The following SEMA6D variants were observed in gnomAD, a reference collection of about 807,000 sequenced individuals.
SEMA6D encodes the protein semaphorin 6D, also known as semaphorin-6D.
SEMA6D carries 35 observed loss-of-function variants against 106.6 expected under a neutral mutation model. The ratio of observed to expected loss-of-function variants is 0.33; its 90% CI spans 0.25 to 0.44. The LOEUF (loss-of-function observed/expected upper bound fraction) is 0.44, where lower values mean the gene tolerates loss of function less well. Among genes scored for constraint, SEMA6D ranks in the 20% least tolerant of loss-of-function variants. The probability of loss-of-function intolerance (pLI) is 1.00; values close to 1 mark genes in which losing one functional copy is unlikely to be tolerated. For synonymous variants in SEMA6D, 499 were observed against 487.7 expected, an observed-to-expected ratio of 1.02 and a Z score of -0.31; for missense variants, 1,185 against 1,345.9, an observed-to-expected ratio of 0.88 and a Z score of 1.87.
chr15:47,584,669 A>G (rs908973289), intron 3 of SEMA6D, among the ~76,000 whole-genome samples: 1 of 152,204 alleles, frequency 6.6e-6, no homozygotes, highest in African/African-American at 2.4e-5. Context: ...TTTTAGAAGT[A>G]GGCAGGGTAC....
chr15:47,210,046 C>A (rs1895374308), intron 1 of SEMA6D, among the ~76,000 whole-genome samples: 1 of 152,110 alleles, frequency 6.6e-6, no homozygotes, highest in Admixed American at 6.5e-5. Flanking sequence ...CAATAGATGT[C>A]CTATTTCTGG....
intron 1 of SEMA6D, among the ~76,000 whole-genome samples, chr15:47,347,552 A>G (rs1182933299): frequency 6.6e-6 from 1 of 151,310 alleles, no homozygotes; most frequent in Admixed American, 6.6e-5. Context: ...ACGGGTAATA[A>G]AAGTGTTCAA....
intron 1 of SEMA6D, among the ~76,000 whole-genome samples, chr15:47,743,599 T>C (rs2080946617): frequency 6.6e-6 from 1 of 152,126 alleles, no homozygotes; most frequent in Non-Finnish European, 1.5e-5. Flanking sequence ...GAGCCCAGAT[T>C]TTCATGGCCG....
At chr15:47,645,100 G>A (rs1039594619) in intron 4 of SEMA6D, among the ~76,000 whole-genome samples, 6 of 152,116 alleles carry the variant, frequency 3.9e-5, no homozygotes, top group Non-Finnish European at 8.8e-5. Flanking sequence ...GTGGGTGCCG[G>A]GGCGTCATCT....
At chr15:47,440,139 G>C (rs2140751908) in intron 2 of SEMA6D, among the ~76,000 whole-genome samples, 1 of 126,306 alleles carries the variant, frequency 7.9e-6, no homozygotes, top group East Asian at 2.0e-4. Context: ...TTAGAGACTG[G>C]ATGAAAGCAG....
intron 3 of SEMA6D, among the ~76,000 whole-genome samples, chr15:47,538,773 A>T (rs1485050408): frequency 6.6e-6 from 1 of 152,222 alleles, no homozygotes; most frequent in Admixed American, 6.5e-5. Context: ...CTGTCAAAAA[A>T]TCTACATAAA....
intron 1 of SEMA6D, among the ~76,000 whole-genome samples, chr15:47,409,639 CT>C (rs1241516669): frequency 6.6e-6 from 1 of 152,086 alleles, no homozygotes; most frequent in African/African-American, 2.4e-5. Context: ...TCTAATTCAG[CT>C]TTTTTATTTC....
chr15:47,574,904 A>C (rs1424146920), intron 3 of SEMA6D, among the ~76,000 whole-genome samples: 2 of 152,182 alleles, frequency 1.3e-5, no homozygotes, highest in Admixed American at 1.3e-4. Flanking sequence ...GTCTAAATAC[A>C]CTAATCTACC....
chr15:47,204,769 C>T (rs916904771), intron 1 of SEMA6D, among the ~76,000 whole-genome samples: 3 of 152,058 alleles, frequency 2.0e-5, no homozygotes, highest in Admixed American at 6.6e-5. Flanking sequence ...ATATGTAAAT[C>T]ATCTATCATG....
intron 1 of SEMA6D, among the ~76,000 whole-genome samples, chr15:47,263,517 G>C (rs188594161): frequency 6.6e-6 from 1 of 152,200 alleles, no homozygotes; most frequent in African/African-American, 2.4e-5. Flanking sequence ...ATACCAGTCA[G>C]AATGACTATT....
intron 3 of SEMA6D, among the ~76,000 whole-genome samples, chr15:47,594,610 A>G (rs2076502140): frequency 6.6e-6 from 1 of 152,196 alleles, no homozygotes; most frequent in Non-Finnish European, 1.5e-5. Context: ...CTCAGAACAG[A>G]GTAGGCATTG....
intron 13 of SEMA6D, chr15:47,765,303 A>C: frequency 2.4e-6 from 3 of 1,268,484 alleles, no homozygotes; most frequent in Non-Finnish European, 3.0e-6. Context: ...GAATATGAGA[A>C]CATTTTAACA....
At position 47,754,282 on chromosome 15, in the gene SEMA6D, C is replaced by T. The variant is rs2081597157; in HGVS notation, c.-54-5463C>T. ...AGTTTAAAAATTTGCATTAACCTTCCCTATAAATTCCCCTGCCTAAAGAAC... is the reference window on the plus strand; with the variant it reads ...AGTTTAAAAATTTGCATTAACCTTCTCTATAAATTCCCCTGCCTAAAGAAC... On this transcript the variant is annotated intron_variant, in intron 1 of 18. Coordinates refer to ENST00000536845, the MANE Select transcript of SEMA6D (RefSeq NM_001358351.3). 1.3e-5 allele frequency among the ~76,000 whole-genome samples: 2 copies of T among 152,168 alleles called. 1 individual carries two copies. The highest frequency in any genetic ancestry group is 2.9e-5 in the Non-Finnish European group (2 of 68,022).
intron 4 of SEMA6D, among the ~76,000 whole-genome samples, chr15:47,642,669 G>A (rs575991465): frequency 6.6e-6 from 1 of 152,246 alleles, no homozygotes; most frequent in Admixed American, 6.5e-5. Flanking sequence ...AGAGCACAAA[G>A]GGAATGATGT....
chr15:47,402,689 TG>T (rs1414809257), intron 1 of SEMA6D, among the ~76,000 whole-genome samples: 3 of 151,846 alleles, frequency 2.0e-5, no homozygotes, highest in Admixed American at 2.0e-4. Context: ...ATTATTATAC[TG>T]TCATTTGTTT....
chr15:47,222,040 C>G (rs1314539088), intron 1 of SEMA6D, among the ~76,000 whole-genome samples: 2 of 152,082 alleles, frequency 1.3e-5, no homozygotes, highest in East Asian at 3.9e-4. Context: ...CATGCACACG[C>G]ACACTCACAC....
At chr15:47,552,902 A>ATTTT (rs1250680238) in intron 3 of SEMA6D, among the ~76,000 whole-genome samples, 17,101 of 80,632 alleles carry the variant, frequency 0.21, 3,506 homozygotes, top group Non-Finnish European at 0.29. Context: ...ATATATATAT[A>ATTTT]TATAAATATA....
intron 1 of SEMA6D, among the ~76,000 whole-genome samples, chr15:47,752,536 G>C (rs142300065): frequency 2.8e-3 from 431 of 152,268 alleles, no homozygotes; most frequent in Non-Finnish European, 4.8e-3. Flanking sequence ...GTGGGATCAG[G>C]GCTACAGGAG....
intron 1 of SEMA6D, among the ~76,000 whole-genome samples, chr15:47,341,051 T>C (rs139505580): frequency 1.5e-3 from 224 of 152,276 alleles, no homozygotes; most frequent in African/African-American, 5.3e-3. Flanking sequence ...AGACCTCTCA[T>C]GTCAGTCAGT....
Sources: gnomAD v4.1 joint callset for allele counts (sites outside exome capture counted in the v4.1 genomes callset) on GRCh38, gnomAD v4.1.1 for gene constraint, MANE v1.5 for transcripts, NCBI Gene and HGNC (gene_info 2026-07-23, HGNC 2026-07-21) for gene names.